Variants in RHOF observed in about 807,000 individuals in gnomAD.
RHOF encodes the protein rho-related GTP-binding protein RhoF.
Under a neutral mutation model 22.2 loss-of-function variants are expected in RHOF, and 21 were observed. That is an observed-to-expected ratio of 0.95 (90% CI 0.67 to 1.36). The LOEUF (loss-of-function observed/expected upper bound fraction) is 1.36, where lower values mean the gene tolerates loss of function less well. Among genes scored for constraint, RHOF ranks in the 40% most tolerant of loss-of-function variants. The pLI is 0.00. For missense variants in RHOF, 285 were observed against 293.7 expected, an observed-to-expected ratio of 0.97 and a Z score of 0.22; for synonymous variants, 135 against 131.2, an observed-to-expected ratio of 1.03 and a Z score of -0.20.
rs773839153 is a variant in RHOF, at chr12:121,793,684, A to G, written c.-51T>C. On this transcript the variant is annotated 5_prime_UTR_variant, in exon 1 of 5. Coordinates refer to ENST00000267205, the MANE Select transcript of RHOF (RefSeq NM_019034.3). ...CGGCGCGCCGGGCACTAGCGGAGCC[A>G]AGAGGTCGGGGGCGGGGCGGGGCCG... is the stretch of plus-strand genomic sequence containing the variant. 1.4e-6 allele frequency: 2 copies of G among 1,461,160 alleles called. No individual in the cohort carries two copies. Among genetic ancestry groups the G allele is most frequent in the South Asian group, 1.3e-5 (1 of 74,134 alleles). 90.5% of individuals were successfully genotyped at this position (1,461,160 alleles called of 1,614,324 possible). A position where few individuals can be genotyped will look rare whatever the true frequency, so the allele number is the denominator to read the frequency against.
At chr12:121,782,239 C>A in intron 2 of RHOF, 1 of 144,308 alleles carries the variant, frequency 6.9e-6, no homozygotes. Context: ...TCCCCTGCCC[C>A]AAGCCCCCAG....
At chr12:121,793,409 C>G in intron 1 of RHOF, 87 bp downstream of exon 1, 1 of 1,506,816 alleles carries the variant, frequency 6.6e-7, no homozygotes, top group Non-Finnish European at 8.9e-7. Context: ...TGTCCGTGCT[C>G]GGGACGCTGG....
intron 2 of RHOF, among the ~76,000 whole-genome samples, chr12:121,786,990 A>G (rs1200884412): frequency 6.6e-6 from 1 of 152,140 alleles, no homozygotes; most frequent in Non-Finnish European, 1.5e-5. Flanking sequence ...GTGAGCTGAG[A>G]TCGTGCCATT....
rs796745271 is a variant in RHOF at position 121,779,443 on chromosome 12, G to C, written c.*55C>G. 6.3e-7 allele frequency: 1 copy of C among 1,581,820 alleles called. No homozygotes were observed. The highest frequency in any genetic ancestry group is 8.6e-7 in the Non-Finnish European group (1 of 1,164,114). ...ATGGGGCAGCCTCCCTGGTGCAATC[G>C]GCACCTGGGCCCCCGGGCCCTGTCA... On this transcript the variant is annotated 3_prime_UTR_variant, in exon 5 of 5. Coordinates refer to ENST00000267205, the MANE Select transcript of RHOF (RefSeq NM_019034.3).
chr12:121,791,165 A>G (rs1168670), intron 2 of RHOF, among the ~76,000 whole-genome samples: 148,149 of 152,078 alleles, frequency 0.97, 72,274 homozygotes, highest in Middle Eastern at 1. Flanking sequence ...TCGCCCTGTC[A>G]CCCAGGCTGG....
chr12:121,779,991 CAGAA>C, intron 4 of RHOF: 1 of 267,958 alleles, frequency 3.7e-6, no homozygotes, highest in Non-Finnish European at 7.2e-6. Context: ...GGCCTCAAGA[CAGAA>C]AGGACTTCCA....
In RHOF at chr12:121,777,970, T is replaced by G. The variant is rs898927734; in HGVS notation, c.*1528A>C. On this transcript the variant is annotated 3_prime_UTR_variant, in exon 5 of 5. Transcript: ENST00000267205. ...AGGCTCCTTCCTTTGGCAACCTGAC[T>G]TCTTGGAAGCTCAGGTTTAGCTGAC... The G allele has an allele frequency of 2.6e-5, 4 of 152,126 alleles. No homozygotes were observed. Among genetic ancestry groups the G allele is most frequent in the Non-Finnish European group, 5.9e-5 (4 of 68,054 alleles). The allele number at this position is 152,126 out of a possible 1,614,324, so 9.4% of individuals were successfully genotyped here.
chr12:121,791,877 G>GC (rs1374733512), intron 2 of RHOF, among the ~76,000 whole-genome samples: 22 of 152,204 alleles, frequency 1.4e-4, no homozygotes, highest in Admixed American at 1.3e-3. Context: ...CAATGACCTT[G>GC]CCCCTCCCTG....
At chr12:121,791,486 C>T (rs924276341) in intron 2 of RHOF, among the ~76,000 whole-genome samples, 2 of 152,174 alleles carry the variant, frequency 1.3e-5, no homozygotes, top group African/African-American at 2.4e-5. Flanking sequence ...AAGAGGATGG[C>T]AGGAACAGGA....
intron 2 of RHOF, among the ~76,000 whole-genome samples, chr12:121,787,969 C>T (rs970316554): frequency 2.7e-5 from 4 of 150,552 alleles, no homozygotes; most frequent in East Asian, 3.9e-4. Flanking sequence ...GTGATCATAG[C>T]TCACTCCAGC....
At chr12:121,793,304 C>T in intron 1 of RHOF, 65 bp from the exon 2 acceptor site, 1 of 1,472,724 alleles carries the variant, frequency 6.8e-7, no homozygotes, top group African/African-American at 1.4e-5. Flanking sequence ...CCAGCTGAAT[C>T]CACTGTCCAC....
chr12:121,781,282 T>C, intron 2 of RHOF, 90 bp from the exon 3 acceptor site: 1 of 1,144,492 alleles, frequency 8.7e-7, no homozygotes, highest in Non-Finnish European at 1.3e-6. Flanking sequence ...CAAGTGACCC[T>C]GCCTTAGGGC....
chr12:121,788,130 C>T (rs147967522), intron 2 of RHOF, among the ~76,000 whole-genome samples: 1 of 152,280 alleles, frequency 6.6e-6, no homozygotes, highest in East Asian at 1.9e-4. Flanking sequence ...ACAAGGTAGA[C>T]ACTATTGTTG....
intron 2 of RHOF, among the ~76,000 whole-genome samples, chr12:121,783,784 G>A (rs1479003536): frequency 6.6e-6 from 1 of 152,128 alleles, no homozygotes; most frequent in Non-Finnish European, 1.5e-5. Flanking sequence ...TATTTTTTAA[G>A]TAGAGATGGG....
intron 2 of RHOF, among the ~76,000 whole-genome samples, chr12:121,785,382 G>C (rs1874578988): frequency 6.6e-6 from 1 of 151,788 alleles, no homozygotes; most frequent in Non-Finnish European, 1.5e-5. Context: ...TATAAAATGG[G>C]GCCCCCTTGG....
intron 2 of RHOF, chr12:121,781,961 G>C (rs1266226264): frequency 2.0e-5 from 3 of 152,146 alleles, no homozygotes; most frequent in Non-Finnish European, 4.4e-5. Context: ...ATCTAGGCTT[G>C]AGCTTGGTTG....
Position 121,778,383 on chromosome 12 carries a change from G to A in RHOF, c.*1115C>T, listed in dbSNP as rs1466207296. On this transcript the variant is annotated 3_prime_UTR_variant, in exon 5 of 5. Coordinates refer to ENST00000267205, the MANE Select transcript of RHOF (RefSeq NM_019034.3). ...AGAGAATCGCTTGAACCCAGGAGGT[G>A]GAGCTTGCAGTGAGCCAAGATCATG... The A allele has an allele frequency of 6.6e-6, 1 of 150,912 alleles. No homozygotes were observed. Among genetic ancestry groups the A allele is most frequent in the Non-Finnish European group, 1.5e-5 (1 of 67,966 alleles). 9.3% of individuals were successfully genotyped at this position (150,912 alleles called of 1,614,324 possible).
chr12:121,783,324 C>G (rs1281067567), intron 2 of RHOF, among the ~76,000 whole-genome samples: 1 of 149,150 alleles, frequency 6.7e-6, no homozygotes, highest in African/African-American at 2.5e-5. Context: ...TTGCCCCCCC[C>G]CCCACCTTTT....
Position 121,779,521 on chromosome 12 carries a change from GCTT to G in RHOF, c.610_612del (p.Lys204del), listed in dbSNP as rs758224312. The G allele has an allele frequency of 2.3e-5, 37 of 1,612,770 alleles. No individual in the cohort carries two copies. The highest frequency in any genetic ancestry group is 1.8e-4 in the East Asian group (8 of 44,894). On this transcript the variant is annotated inframe_deletion, in exon 5 of 5. Transcript: ENST00000267205. ...GGTCAGAGCAGCAGGCAGAGCCGGC[GCTT>G]CTTCTGCCGTTGCGCCTTCTTCAGA... is the stretch of plus-strand genomic sequence containing the variant.
Sources: gnomAD v4.1 joint callset for allele counts (sites outside exome capture counted in the v4.1 genomes callset) on GRCh38, gnomAD v4.1.1 for gene constraint, MANE v1.5 for transcripts, NCBI Gene and HGNC (gene_info 2026-07-23, HGNC 2026-07-21) for gene names.